GOSR1: variants seen among roughly 807,000 people sequenced by gnomAD.
The protein encoded by GOSR1 is 28 kDa Golgi SNARE protein.
In GOSR1, 21 loss-of-function variants were observed where a neutral mutation model predicts 35.5. That is an observed-to-expected ratio of 0.59 (90% CI 0.42 to 0.85). The LOEUF (loss-of-function observed/expected upper bound fraction) is 0.85, where lower values mean the gene tolerates loss of function less well. GOSR1 is among the 40% of genes least tolerant of loss of function. The pLI is 0.00. For synonymous variants in GOSR1, 94 were observed against 106.6 expected (o/e 0.88, Z 0.73); for missense variants, 285 against 309.6 (o/e 0.92, Z 0.60).
chr17:30,512,634 C>T (rs1434672849), intron 7 of GOSR1, among the ~76,000 whole-genome samples: 1 of 152,196 alleles, frequency 6.6e-6, no homozygotes, highest in African/African-American at 2.4e-5. Flanking sequence ...GAGCCTTCCA[C>T]CTGAAGAAAG....
intron 6 of GOSR1, among the ~76,000 whole-genome samples, chr17:30,505,303 G>A (rs1224800536): frequency 6.6e-6 from 1 of 152,192 alleles, no homozygotes; most frequent in African/African-American, 2.4e-5. Flanking sequence ...GGGAGGCTGA[G>A]GCAGGAGGAT....
At chr17:30,479,558 G>C (rs1382210101) in intron 1 of GOSR1, 1 of 152,228 alleles carries the variant, frequency 6.6e-6, no homozygotes, top group Non-Finnish European at 1.5e-5. Flanking sequence ...GAGTGCAGTG[G>C]CTCAATCTCC....
intron 6 of GOSR1, among the ~76,000 whole-genome samples, chr17:30,507,160 G>A (rs1967429860): frequency 6.6e-6 from 1 of 152,150 alleles, no homozygotes; most frequent in Non-Finnish European, 1.5e-5. Context: ...TATTATTTAA[G>A]AAATACATTT....
In GOSR1 at chr17:30,500,904, G is replaced by A. The variant is rs954552439; in HGVS notation, c.509+8151G>A. Reference sequence around the variant, plus strand: ...CTCTTTTTTTTTTTTTTTTTGAGACGGAGTCTCGCTCTGTCGCCCAGGCTG... The same window carrying A: ...CTCTTTTTTTTTTTTTTTTTGAGACAGAGTCTCGCTCTGTCGCCCAGGCTG... On this transcript the variant is annotated intron_variant, in intron 6 of 8. Transcript: ENST00000451249. 3.2e-3 allele frequency among the ~76,000 whole-genome samples: 457 copies of A among 144,928 alleles called. 2 individuals carry two copies. The highest frequency in any genetic ancestry group is 0.011 in the African/African-American group (430 of 38,830).
chr17:30,522,200 CTT>C lies in GOSR1; in HGVS notation c.623-51_623-50del, dbSNP rs112150937. ...ATCTCTATTTTTGTGATTCCTACGA[CTT>C]TTCGCCAGAGAGGCTTCTTCCAAAT... On this transcript the variant is annotated intron_variant, in intron 8 of 8. Coordinates refer to ENST00000451249, the MANE Select transcript of GOSR1 (RefSeq NM_001007025.2). 31 of 1,512,806 alleles carry C rather than the reference CTT, an allele frequency of 2.0e-5. No homozygotes were observed. In the African/African-American group the frequency reaches 2.4e-4, roughly 11 times the overall value. 93.7% of individuals were successfully genotyped at this position (1,512,806 alleles called of 1,614,324 possible).
rs981649675 is a variant in GOSR1 at position 30,525,395 on chromosome 17, C to A, written c.*3017C>A. 1.3e-5 allele frequency: 2 copies of A among 152,076 alleles called. No individual in the cohort carries two copies. Among genetic ancestry groups the A allele is most frequent in the African/African-American group, 4.8e-5 (2 of 41,384 alleles). 9.4% of individuals were successfully genotyped at this position (152,076 alleles called of 1,614,324 possible). A position where few individuals can be genotyped will look rare whatever the true frequency, so the allele number is the denominator to read the frequency against. ...ATTGACTGTTAATTGATTCAGGGTACCCTTAAAAGAAAAGAAGTTTTCCCA... is the reference window on the plus strand; with the variant it reads ...ATTGACTGTTAATTGATTCAGGGTAACCTTAAAAGAAAAGAAGTTTTCCCA... On this transcript the variant is annotated 3_prime_UTR_variant, in exon 9 of 9. Transcript: ENST00000451249.
chr17:30,494,152 A>G (rs1177634296), intron 6 of GOSR1, among the ~76,000 whole-genome samples: 2 of 151,486 alleles, frequency 1.3e-5, no homozygotes, highest in African/African-American at 4.9e-5. Flanking sequence ...TTTGCCTGGA[A>G]AAAGAGTAAA....
intron 6 of GOSR1, among the ~76,000 whole-genome samples, chr17:30,497,505 C>G (rs1229139966): frequency 4.6e-5 from 7 of 152,006 alleles, no homozygotes; most frequent in African/African-American, 1.7e-4. Flanking sequence ...TGAAATAACC[C>G]TTACTTTATG....
Position 30,484,750 on chromosome 17 carries a change from C to A in GOSR1, c.322C>A (p.Arg108=). ...LNAALMHTLQ[R]HRDILQDYTH... Reference sequence around the variant, plus strand: ...TGCAGCCCTGATGCATACATTACAGCGGCATAGAGACATATTGCAGGTAAT... The same window carrying A: ...TGCAGCCCTGATGCATACATTACAGAGGCATAGAGACATATTGCAGGTAAT... Residue 108 remains arginine, a synonymous_variant, in exon 4 of 9, where the codon CGG becomes AGG. Coordinates refer to ENST00000451249, the MANE Select transcript of GOSR1 (RefSeq NM_001007025.2). 2 of 1,571,078 alleles carry A rather than the reference C, an allele frequency of 1.3e-6. No individual in the cohort carries two copies. The highest frequency in any genetic ancestry group is 1.8e-6 in the Non-Finnish European group (2 of 1,141,694).
chr17:30,505,910 T>C (rs1284891657), intron 6 of GOSR1, among the ~76,000 whole-genome samples: 1 of 152,174 alleles, frequency 6.6e-6, no homozygotes, highest in African/African-American at 2.4e-5. Context: ...AAATTGTTTG[T>C]ATAGACAAGG....
At chr17:30,499,362 G>C (rs573112132) in intron 6 of GOSR1, among the ~76,000 whole-genome samples, 80 of 98,342 alleles carry the variant, frequency 8.1e-4, no homozygotes, top group African/African-American at 3.0e-3. Flanking sequence ...TTTTTTTTGA[G>C]ACGGAGTCTC....
In GOSR1 at chr17:30,484,696, A is replaced by G. The variant is rs1261062745; in HGVS notation, c.268A>G (p.Thr90Ala). 6.3e-7 allele frequency: 1 copy of G among 1,578,652 alleles called. No homozygotes were observed. The highest frequency in any genetic ancestry group is 8.6e-7 in the Non-Finnish European group (1 of 1,159,152). ...TGVNDKMAEY[T>A]NSAGVPSLNA... ...GGTAAATGATAAAATGGCAGAATAT[A>G]CCAACAGTGCAGGTGTCCCCTCCTT... The change falls in exon 4 of 9, where the codon ACC (threonine) becomes GCC (alanine). Residue 90 changes from threonine to alanine, a missense_variant. Physicochemically the swap from Thr to Ala is moderately conservative, Grantham distance 58. Coordinates refer to ENST00000451249, the MANE Select transcript of GOSR1 (RefSeq NM_001007025.2).
intron 8 of GOSR1, among the ~76,000 whole-genome samples, chr17:30,521,591 A>G (rs2143941839): frequency 6.6e-6 from 1 of 151,798 alleles, no homozygotes; most frequent in East Asian, 1.9e-4. Context: ...ATGTGTTCAA[A>G]AAAAAAAAAA....
rs530259476 is a variant in GOSR1, at chr17:30,523,254, C to T, written c.*876C>T. On this transcript the variant is annotated 3_prime_UTR_variant, in exon 9 of 9. Coordinates refer to ENST00000451249, the MANE Select transcript of GOSR1 (RefSeq NM_001007025.2). ...GCCATCCCATCTAGGAAGTGAGGAG[C>T]GTCTCTGCCCGGCCGCCCATCGTCT... 658 of 173,734 alleles carry T rather than the reference C, an allele frequency of 3.8e-3. 4 individuals are homozygous for T. Among genetic ancestry groups the T allele is most frequent in the Non-Finnish European group, 3.6e-3 (293 of 81,208 alleles). The allele number at this position is 173,734 out of a possible 1,614,324, so 10.8% of individuals were successfully genotyped here.
chr17:30,504,092 T>C (rs566167989), intron 6 of GOSR1, among the ~76,000 whole-genome samples: 1 of 151,520 alleles, frequency 6.6e-6, no homozygotes, highest in Non-Finnish European at 1.5e-5. Flanking sequence ...AATGGCACGA[T>C]CTCGGCTCAC....
At position 30,481,173 on chromosome 17, in the gene GOSR1, A is replaced by T. The variant is rs202184797; in HGVS notation, c.62A>T (p.Asn21Ile). 7 of 1,600,788 alleles carry T rather than the reference A, an allele frequency of 4.4e-6. No homozygotes were observed. Among genetic ancestry groups the T allele is most frequent in the Non-Finnish European group, 6.0e-6 (7 of 1,167,842 alleles). Residue 21 changes from asparagine (N) to isoleucine (I), a missense_variant, in exon 2 of 9, where the codon AAT becomes ATT. Coordinates refer to ENST00000451249, the MANE Select transcript of GOSR1 (RefSeq NM_001007025.2). ...DLRKQARQLENELDLKLVSFS... is the reference protein window; with the variant it reads ...DLRKQARQLEIELDLKLVSFS... ...AGGAAACAGGCTCGACAGCTGGAAAATGAACTTGACCTGAAACTAGTTTCC... is the reference window on the plus strand; with the variant it reads ...AGGAAACAGGCTCGACAGCTGGAAATTGAACTTGACCTGAAACTAGTTTCC...
intron 2 of GOSR1, among the ~76,000 whole-genome samples, chr17:30,483,383 C>A (rs995287859): frequency 3.3e-5 from 5 of 152,156 alleles, no homozygotes; most frequent in African/African-American, 7.2e-5. Flanking sequence ...ATGTGCCAGG[C>A]TGTATACTAG....
At position 30,481,195 on chromosome 17, in the gene GOSR1, T is replaced by G. The variant is rs370423863; in HGVS notation, c.84T>G (p.Val28=). 5.0e-6 allele frequency: 8 copies of G among 1,602,880 alleles called. No individual in the cohort carries two copies. The African/African-American group carries it at 8.0e-5, about 16-fold the overall frequency. ...QLENELDLKL[V]SFSKLCTSYS... is the part of the protein sequence containing the mutation. ...AAAATGAACTTGACCTGAAACTAGT[T>G]TCCTTCAGCAAACTATGTACAAGTT... Residue 28 remains valine, a synonymous_variant, in exon 2 of 9, where the codon GTT becomes GTG. Coordinates refer to ENST00000451249, the MANE Select transcript of GOSR1 (RefSeq NM_001007025.2).
At chr17:30,477,994 G>A (rs767226008) in intron 1 of GOSR1, 2 of 908,326 alleles carry the variant, frequency 2.2e-6, no homozygotes, top group East Asian at 1.2e-4. Context: ...ACAACTACAG[G>A]TTGGGGACTT....
Sources: allele counts gnomAD v4.1 joint callset (sites outside exome capture counted in the v4.1 genomes callset), GRCh38; gene constraint gnomAD v4.1.1; transcripts MANE v1.5; gene names NCBI Gene and HGNC (gene_info 2026-07-23, HGNC 2026-07-21).